Variants in CPEB3 observed in about 807,000 individuals in gnomAD.
The protein encoded by CPEB3 is cytoplasmic polyadenylation element-binding protein 3.
Under a neutral mutation model 67.2 loss-of-function variants are expected in CPEB3, and 20 were observed. The observed-to-expected ratio is 0.30, with a 90% CI of 0.21 to 0.43. The LOEUF (loss-of-function observed/expected upper bound fraction) is 0.43. Among genes scored for constraint, CPEB3 ranks in the 20% least tolerant of loss-of-function variants. CPEB3 has a pLI of 1.00. For missense variants in CPEB3, 746 were observed against 968.6 expected, an observed-to-expected ratio of 0.77 and a Z score of 3.05; for synonymous variants, 376 against 393.1, an observed-to-expected ratio of 0.96 and a Z score of 0.51.
Position 92,240,343 on chromosome 10 carries a change from T to C in CPEB3, c.8A>G (p.Asp3Gly). The change falls in exon 2 of 10, where the codon GAT becomes GGT. Residue 3 changes from aspartate (D) to glycine (G), a missense_variant. Around this residue, in one of 2 missense-constraint regions of CPEB3, gnomAD observed 643 missense variants for 717.5 expected, o/e 0.90. Coordinates refer to ENST00000265997, the MANE Select transcript of CPEB3 (RefSeq NM_014912.5). MQ[D>G]DLLMDKSKTQ... ...TTTGCTTTTGTCCATCAGTAAATCA[T>C]CCTGCATGGTTTGCGCAGCTGAAAC... is the stretch of plus-strand genomic sequence containing the variant. The C allele has an allele frequency of 6.8e-7, 1 of 1,464,222 alleles. No individual in the cohort carries two copies. Among genetic ancestry groups the C allele is most frequent in the Non-Finnish European group, 9.0e-7 (1 of 1,106,556 alleles). The allele number at this position is 1,464,222 out of a possible 1,614,324, so 90.7% of individuals were successfully genotyped here. A position where few individuals can be genotyped will look rare whatever the true frequency, so the allele number is the denominator to read the frequency against.
intron 1 of CPEB3, among the ~76,000 whole-genome samples, chr10:92,260,407 C>T (rs1221314245): frequency 6.6e-6 from 1 of 151,756 alleles, no homozygotes; most frequent in Non-Finnish European, 1.5e-5. Context: ...AAAAATTAGC[C>T]AGGTGTGGTG....
intron 6 of CPEB3, among the ~76,000 whole-genome samples, chr10:92,129,478 G>A (rs1845745716): frequency 6.6e-6 from 1 of 152,144 alleles, no homozygotes. Flanking sequence ...GAAGGAGATA[G>A]AAAAATGATG....
At chr10:92,271,595 T>C (rs940316679) in intron 1 of CPEB3, among the ~76,000 whole-genome samples, 1 of 152,206 alleles carries the variant, frequency 6.6e-6, no homozygotes, top group African/African-American at 2.4e-5. Context: ...CATACATATA[T>C]TTTTCAATAA....
intron 6 of CPEB3, among the ~76,000 whole-genome samples, chr10:92,134,877 G>T (rs1025626987): frequency 2.8e-4 from 43 of 151,854 alleles, no homozygotes; most frequent in African/African-American, 9.9e-4. Context: ...ACAACCATCT[G>T]ATCTTTGACA....
intron 9 of CPEB3, among the ~76,000 whole-genome samples, chr10:92,071,627 C>T (rs567987262): frequency 5.3e-5 from 8 of 151,552 alleles, no homozygotes; most frequent in African/African-American, 1.7e-4. Flanking sequence ...CCCAGCTACT[C>T]GGGAGGCTGA....
At position 92,051,374 on chromosome 10, in the gene CPEB3, C is replaced by A. The variant is rs993546463; in HGVS notation, c.*838G>T. 1 of 152,566 alleles carries A rather than the reference C, an allele frequency of 6.6e-6. No homozygotes were observed. Among genetic ancestry groups the A allele is most frequent in the Non-Finnish European group, 1.5e-5 (1 of 68,022 alleles). 9.5% of individuals were successfully genotyped at this position (152,566 alleles called of 1,614,324 possible). A position where few individuals can be genotyped will look rare whatever the true frequency, so the allele number is the denominator to read the frequency against. ...GCAGTCAGAAATAGTGACCTTCCAC[C>A]GAAGCTTTCTGAAGTCTATTCTGAT... On this transcript the variant is annotated 3_prime_UTR_variant, in exon 10 of 10. Coordinates refer to ENST00000265997, the MANE Select transcript of CPEB3 (RefSeq NM_014912.5).
intron 9 of CPEB3, among the ~76,000 whole-genome samples, chr10:92,078,766 C>A (rs1843029275): frequency 6.6e-6 from 1 of 152,120 alleles, no homozygotes; most frequent in African/African-American, 2.4e-5. Context: ...TCCTTTTTAA[C>A]TTAGTTCTAA....
intron 9 of CPEB3, 97 bp downstream of exon 9, chr10:92,081,223 T>C: frequency 7.9e-7 from 1 of 1,264,352 alleles, no homozygotes; most frequent in Non-Finnish European, 1.2e-6. Flanking sequence ...AAGGTAGAGC[T>C]GGTCACTTAT....
chr10:92,103,347 T>C (rs1460989598), intron 7 of CPEB3, among the ~76,000 whole-genome samples: 3 of 152,222 alleles, frequency 2.0e-5, no homozygotes, highest in African/African-American at 7.2e-5. Context: ...AGCACTTATA[T>C]TGCACTACTG....
At chr10:92,068,950 G>C (rs973209325) in intron 9 of CPEB3, among the ~76,000 whole-genome samples, 2 of 152,170 alleles carry the variant, frequency 1.3e-5, no homozygotes, top group African/African-American at 4.8e-5. Context: ...GTCAAACATA[G>C]CTATAGACAC....
intron 1 of CPEB3, among the ~76,000 whole-genome samples, chr10:92,288,011 G>T (rs1209499847): frequency 6.6e-6 from 1 of 151,956 alleles, no homozygotes; most frequent in Non-Finnish European, 1.5e-5. Flanking sequence ...CCTCTCACTT[G>T]GTATAATGTT....
In CPEB3 at chr10:92,196,746, G is replaced by A. The variant is rs181061118; in HGVS notation, c.1006-4110C>T. Among the ~76,000 whole-genome samples, 82 of 146,286 alleles carry A rather than the reference G, an allele frequency of 5.6e-4. No individual in the cohort carries two copies. The East Asian group carries it at 0.015, about 26-fold the overall frequency. On this transcript the variant is annotated intron_variant, in intron 2 of 9. Transcript: ENST00000265997. ...TCATGGCACTGCACTCAGCCTGGGC[G>A]ACAGAGCAAGACTCCGTCTCAAAAA...
chr10:92,069,651 C>T (rs1037055272), intron 9 of CPEB3, among the ~76,000 whole-genome samples: 10 of 152,194 alleles, frequency 6.6e-5, no homozygotes, highest in African/African-American at 1.9e-4. Context: ...ATGATCCACC[C>T]GCCTTGGCCT....
chr10:92,175,469 C>T (rs7067935), intron 4 of CPEB3, among the ~76,000 whole-genome samples: 53,522 of 151,610 alleles, frequency 0.35, 10,655 homozygotes, highest in African/African-American at 0.53. Flanking sequence ...GGAGAACTCC[C>T]GCATCATATG....
intron 4 of CPEB3, among the ~76,000 whole-genome samples, chr10:92,150,558 A>G (rs1359873591): frequency 2.0e-5 from 3 of 152,196 alleles, no homozygotes; most frequent in Non-Finnish European, 4.4e-5. Context: ...TTTGTCCAGT[A>G]ATCCCTTGTG....
At chr10:92,200,990 CA>C (rs916387417) in intron 2 of CPEB3, among the ~76,000 whole-genome samples, 2 of 152,172 alleles carry the variant, frequency 1.3e-5, no homozygotes, top group Admixed American at 6.5e-5. Flanking sequence ...ATAAAAAGTA[CA>C]AATGCCACCT....
intron 6 of CPEB3, among the ~76,000 whole-genome samples, chr10:92,132,648 G>A (rs1316673108): frequency 5.9e-5 from 9 of 151,952 alleles, no homozygotes; most frequent in South Asian, 2.1e-4. Flanking sequence ...ACTTAAACTC[G>A]GCTCTGCACC....
At chr10:92,182,824 T>TAA (rs1342550349) in intron 3 of CPEB3, among the ~76,000 whole-genome samples, 1 of 96,698 alleles carries the variant, frequency 1.0e-5, no homozygotes, top group African/African-American at 4.6e-5. Context: ...AGACTCCGTC[T>TAA]CAAAAAAAAA....
At chr10:92,208,406 T>G (rs1159302885) in intron 2 of CPEB3, among the ~76,000 whole-genome samples, 6 of 152,134 alleles carry the variant, frequency 3.9e-5, no homozygotes, top group Non-Finnish European at 7.4e-5. Context: ...ACATCCTTAA[T>G]GTTAATAGTT....
Sources: gnomAD v4.1 joint callset for allele counts (sites outside exome capture counted in the v4.1 genomes callset) on GRCh38, gnomAD v4.1.1 for gene constraint, gnomAD v4.1.1 regional missense constraint, MANE v1.5 for transcripts, NCBI Gene and HGNC (gene_info 2026-07-23, HGNC 2026-07-21) for gene names.